Variants in EHMT1 observed in about 807,000 individuals in gnomAD.
The protein encoded by EHMT1 is euchromatic histone lysine methyltransferase 1.
EHMT1 carries 15 observed loss-of-function variants against 147.2 expected under a neutral mutation model. The observed-to-expected ratio is 0.10, with a 90% CI of 0.07 to 0.16. The LOEUF (loss-of-function observed/expected upper bound fraction) is 0.16, where lower values mean the gene tolerates loss of function less well. Among genes scored for constraint, EHMT1 ranks in the 10% least tolerant of loss-of-function variants. The pLI is 1.00. For missense variants in EHMT1, 1,587 were observed against 1,772.4 expected, an observed-to-expected ratio of 0.90 and a Z score of 1.88; for synonymous variants, 795 against 709.6, an observed-to-expected ratio of 1.12 and a Z score of -1.91.
intron 25 of EHMT1, among the ~76,000 whole-genome samples, chr9:137,822,721 C>T (rs1047743975): frequency 3.9e-5 from 6 of 151,992 alleles, no homozygotes; most frequent in East Asian, 2.0e-4. Flanking sequence ...GGTGAAACCC[C>T]GTCTCTACTA....
intron 1 of EHMT1, among the ~76,000 whole-genome samples, chr9:137,682,489 C>A (rs1589243862): frequency 6.6e-6 from 1 of 152,188 alleles, no homozygotes; most frequent in Admixed American, 6.5e-5. Flanking sequence ...CAAGTTCAGG[C>A]TGCTGTAGCG....
At chr9:137,694,843 G>A (rs931931846) in intron 1 of EHMT1, among the ~76,000 whole-genome samples, 1 of 152,244 alleles carries the variant, frequency 6.6e-6, no homozygotes, top group African/African-American at 2.4e-5. Flanking sequence ...GGAATTTGAT[G>A]TTGCAGGTAA....
In EHMT1 at chr9:137,778,090, G is replaced by A. The variant is rs1038186143; in HGVS notation, c.2192+35G>A. On this transcript the variant is annotated intron_variant, in intron 13 of 26. Coordinates refer to ENST00000460843, the MANE Select transcript of EHMT1 (RefSeq NM_024757.5). ...GACATGTGATTTCAGAGATGTCTCA[G>A]AGCCTGTTTTAATCTGCACCCCGCG... 5 of 1,613,328 alleles carry A rather than the reference G, an allele frequency of 3.1e-6. No individual in the cohort carries two copies. The Admixed American group carries it at 8.3e-5, about 27-fold the overall frequency.
At chr9:137,801,313 C>T (rs1953465161) in intron 18 of EHMT1, among the ~76,000 whole-genome samples, 1 of 152,144 alleles carries the variant, frequency 6.6e-6, no homozygotes, top group Non-Finnish European at 1.5e-5. Context: ...TCTGGCTCTC[C>T]CTTTGTTTTT....
chr9:137,749,452 T>C (rs996353767), intron 6 of EHMT1, among the ~76,000 whole-genome samples: 2 of 152,062 alleles, frequency 1.3e-5, no homozygotes, highest in Non-Finnish European at 2.9e-5. Context: ...TTTTTTTTAA[T>C]TAATTTTTTT....
At chr9:137,737,478 C>G (rs935580681) in intron 4 of EHMT1, among the ~76,000 whole-genome samples, 1 of 152,106 alleles carries the variant, frequency 6.6e-6, no homozygotes, top group Non-Finnish European at 1.5e-5. Context: ...GATACTGGAC[C>G]CTTACCTCAC....
chr9:137,790,817 C>T (rs771482698), intron 15 of EHMT1, 31 bp from the exon 16 acceptor site: 2 of 1,614,166 alleles, frequency 1.2e-6, no homozygotes, highest in East Asian at 4.5e-5. Flanking sequence ...CGTCACAGCC[C>T]TCCCATACAC....
chr9:137,707,174 T>C lies in EHMT1; in HGVS notation c.22-3793T>C, dbSNP rs536178419. On this transcript the variant is annotated intron_variant, in intron 1 of 26. Coordinates refer to ENST00000460843, the MANE Select transcript of EHMT1 (RefSeq NM_024757.5). ...CTAATTTGTCCTTAATCTGGAGGTT[T>C]CATAAAATCCTAGAGTCCGTCAGCC... is the stretch of plus-strand genomic sequence containing the variant. Among the ~76,000 whole-genome samples, 3 of 152,348 alleles carry C rather than the reference T, an allele frequency of 2.0e-5. No individual in the cohort carries two copies. The South Asian group carries it at 6.2e-4, about 32-fold the overall frequency.
intron 1 of EHMT1, among the ~76,000 whole-genome samples, chr9:137,619,854 C>T (rs1003414540): frequency 9.9e-5 from 15 of 151,948 alleles, no homozygotes; most frequent in Admixed American, 3.9e-4. Context: ...GAAGGAAAAG[C>T]AAGCAGGAGG....
intron 1 of EHMT1, among the ~76,000 whole-genome samples, chr9:137,707,016 G>A (rs1448798097): frequency 2.0e-5 from 3 of 151,926 alleles, no homozygotes; most frequent in Non-Finnish European, 4.4e-5. Context: ...GTAGAGACGG[G>A]GTTTCGCCAT....
At chr9:137,832,066 T>C (rs1338204451) in intron 25 of EHMT1, among the ~76,000 whole-genome samples, 6 of 103,772 alleles carry the variant, frequency 5.8e-5, no homozygotes, top group South Asian at 6.8e-4. Flanking sequence ...CTCCACAGGC[T>C]CCGCCTCCTA....
intron 15 of EHMT1, chr9:137,784,646 C>T (rs1290878396): frequency 1.2e-5 from 2 of 163,660 alleles, no homozygotes; most frequent in African/African-American, 4.8e-5. Flanking sequence ...AAGGTCAAGA[C>T]TGAATGAGAT....
intron 25 of EHMT1, 162 bp from the exon 26 acceptor site, chr9:137,834,187 A>G: frequency 3.4e-6 from 3 of 892,318 alleles, no homozygotes; most frequent in Non-Finnish European, 5.1e-6. Flanking sequence ...AGGCTGGCGG[A>G]GGCTCCGCAC....
chr9:137,678,251 G>A (rs1304724692), intron 1 of EHMT1, among the ~76,000 whole-genome samples: 1 of 152,068 alleles, frequency 6.6e-6, no homozygotes, highest in African/African-American at 2.4e-5. Context: ...TTTCTCTCCT[G>A]ATGACACTGC....
intron 1 of EHMT1, among the ~76,000 whole-genome samples, chr9:137,624,535 C>G (rs1045825913): frequency 6.6e-6 from 1 of 152,052 alleles, no homozygotes; most frequent in Non-Finnish European, 1.5e-5. Context: ...AGGCAGGTCT[C>G]GAACTCCTGA....
At chr9:137,831,719 GAGTGTTCTTTCGGACGTGTTCGTTTCCTC>G (rs1364336738) in intron 25 of EHMT1, among the ~76,000 whole-genome samples, 1 of 152,262 alleles carries the variant, frequency 6.6e-6, no homozygotes, top group East Asian at 1.9e-4. Flanking sequence ...GGACTCAGTT[GAGTGTTCTTTCGGACGTGTTCGTTTCCTC>G]AGTGTTTCAA....
At chr9:137,738,423 GC>G (rs1373152378) in intron 4 of EHMT1, among the ~76,000 whole-genome samples, 2 of 152,188 alleles carry the variant, frequency 1.3e-5, no homozygotes, top group Admixed American at 1.3e-4. Context: ...CAGTGAGGAT[GC>G]GGAGAAATGG....
At chr9:137,809,395 C>A (rs1418485670) in intron 18 of EHMT1, among the ~76,000 whole-genome samples, 1 of 152,192 alleles carries the variant, frequency 6.6e-6, no homozygotes, top group African/African-American at 2.4e-5. Flanking sequence ...AGAGCCAGTC[C>A]CTGGGATGTG....
intron 1 of EHMT1, among the ~76,000 whole-genome samples, chr9:137,669,393 G>GC (rs370118675): frequency 4.2e-4 from 1 of 2,382 alleles, no homozygotes. Flanking sequence ...CACCCAAGAC[G>GC]CCCCCCACAG....
Sources: gnomAD v4.1 joint callset for allele counts (sites outside exome capture counted in the v4.1 genomes callset) on GRCh38, gnomAD v4.1.1 for gene constraint, MANE v1.5 for transcripts, NCBI Gene and HGNC (gene_info 2026-07-23, HGNC 2026-07-21) for gene names.